Variants in LRBA observed in about 807,000 individuals in gnomAD.
LRBA encodes the protein LPS responsive beige-like anchor protein.
Under a neutral mutation model 330.0 loss-of-function variants are expected in LRBA, and 176 were observed. The ratio of observed to expected loss-of-function variants is 0.53; its 90% CI spans 0.47 to 0.60. LRBA has a LOEUF of 0.60. Ranked by LOEUF, LRBA falls within the 20% of genes least tolerant of loss-of-function variation. LRBA has a pLI of 0.00. For missense variants in LRBA, 3,259 were observed against 3,444.8 expected (o/e 0.95, Z 1.35); for synonymous variants, 1,230 against 1,193.0 (o/e 1.03, Z -0.64).
intron 34 of LRBA, among the ~76,000 whole-genome samples, chr4:150,796,215 A>G (rs910167786): frequency 1.3e-5 from 2 of 151,936 alleles, no homozygotes; most frequent in African/African-American, 4.8e-5. Flanking sequence ...ATTCAATTTC[A>G]TATCTCTTAA....
In LRBA at chr4:150,583,650, G is replaced by T. The variant is rs1185885067; in HGVS notation, c.6330+4398C>A. ...GGGTGGCCGAGGTCAAGGCCGAAGG[G>T]TTCAACTTGCTCTCGAAGGAGTGCT... is the stretch of plus-strand genomic sequence containing the variant. On this transcript the variant is annotated intron_variant, in intron 40 of 56. Transcript: ENST00000651943. This position sits in a 1 kb window ranked among gnomAD's most constrained non-coding sequence, Gnocchi z 9.8. The T allele has an allele frequency of 2.5e-6, 4 of 1,614,026 alleles. No individual in the cohort carries two copies. The East Asian group carries it at 8.9e-5, about 36-fold the overall frequency.
At chr4:150,898,185 AAAAC>A (rs1730323759) in intron 14 of LRBA, among the ~76,000 whole-genome samples, 1 of 152,132 alleles carries the variant, frequency 6.6e-6, no homozygotes, top group Non-Finnish European at 1.5e-5. Flanking sequence ...TACAAAGAAA[AAAAC>A]AAAGGAAAAT....
At chr4:150,990,667 T>C (rs1015508112) in intron 2 of LRBA, among the ~76,000 whole-genome samples, 3 of 151,886 alleles carry the variant, frequency 2.0e-5, no homozygotes, top group Non-Finnish European at 4.4e-5. Flanking sequence ...GCCCAGGAGG[T>C]TGAGGCTACA....
chr4:150,396,674 G>A (rs1744783176), intron 47 of LRBA, among the ~76,000 whole-genome samples: 2 of 152,058 alleles, frequency 1.3e-5, no homozygotes, highest in African/African-American at 4.8e-5. Context: ...GAATGTATTG[G>A]TTTATTTACT....
At chr4:150,880,790 C>T (rs1323521631) in intron 17 of LRBA, among the ~76,000 whole-genome samples, 3 of 152,064 alleles carry the variant, frequency 2.0e-5, no homozygotes, top group Non-Finnish European at 4.4e-5. Flanking sequence ...ACAAACTGTG[C>T]ATTTGACAAA....
chr4:150,809,874 CGA>C lies in LRBA; in HGVS notation c.5306-1478_5306-1477del, dbSNP rs1743395403. Among the ~76,000 whole-genome samples the C allele has an allele frequency of 3.2e-5, 4 of 124,674 alleles. No homozygotes were observed. In the South Asian group the frequency reaches 1.0e-3, roughly 32 times the overall value. The allele number at this position is 124,674 out of a possible 152,430, so 81.8% of individuals were successfully genotyped here. A position where few individuals can be genotyped will look rare whatever the true frequency, so the allele number is the denominator to read the frequency against. On this transcript the variant is annotated intron_variant, in intron 31 of 56. Transcript: ENST00000651943. ...AAATACGATACGATACGATACGATACGATACGATACGATACGATACGATACGA... is the reference window on the plus strand; with the variant it reads ...AAATACGATACGATACGATACGATACTACGATACGATACGATACGATACGA...
chr4:150,521,917 T>C (rs1239133350), intron 40 of LRBA, among the ~76,000 whole-genome samples: 1 of 152,228 alleles, frequency 6.6e-6, no homozygotes, highest in East Asian at 1.9e-4. Context: ...TATCAGTTAC[T>C]GATAGAAAAA....
At chr4:150,851,856 T>A (rs745930665) in intron 23 of LRBA, 29 bp downstream of exon 23, 1 of 1,547,684 alleles carries the variant, frequency 6.5e-7, no homozygotes, top group Admixed American at 2.1e-5. Context: ...AGTGCAAAAG[T>A]ACTTGAATAA....
At chr4:150,948,013 T>C (rs538717695) in intron 2 of LRBA, among the ~76,000 whole-genome samples, 1 of 151,966 alleles carries the variant, frequency 6.6e-6, no homozygotes, top group Admixed American at 6.5e-5. Context: ...TCTAAATAAA[T>C]GGAGAGGCAC....
intron 37 of LRBA, among the ~76,000 whole-genome samples, chr4:150,637,632 G>A (rs1198837892): frequency 6.6e-6 from 1 of 152,164 alleles, no homozygotes; most frequent in Non-Finnish European, 1.5e-5. Context: ...TACTGGAGAA[G>A]TCCCTGTGGC....
chr4:150,577,973 T>C (rs951606433), intron 40 of LRBA, among the ~76,000 whole-genome samples: 1 of 152,210 alleles, frequency 6.6e-6, no homozygotes, highest in Non-Finnish European at 1.5e-5. Flanking sequence ...TTCAAATCCA[T>C]ACATTCCCTG....
Position 150,583,526 on chromosome 4 carries a change from A to G in LRBA, c.6330+4522T>C, listed in dbSNP as rs952585024. The G allele has an allele frequency of 2.5e-6, 4 of 1,613,972 alleles. No individual in the cohort carries two copies. The highest frequency in any genetic ancestry group is 1.7e-5 in the Admixed American group (1 of 60,032). On this transcript the variant is annotated intron_variant, in intron 40 of 56. Transcript: ENST00000651943. The surrounding 1 kb of genome is among the most constrained non-coding windows in gnomAD (Gnocchi z 9.8). ...GTCAAGTTGCGCATCAGGGAGCGCTATGTGGTGCAAATCACTCCGGCGTTC... is the reference window on the plus strand; with the variant it reads ...GTCAAGTTGCGCATCAGGGAGCGCTGTGTGGTGCAAATCACTCCGGCGTTC...
chr4:150,758,525 A>C (rs750453689), intron 35 of LRBA, among the ~76,000 whole-genome samples: 16 of 149,988 alleles, frequency 1.1e-4, no homozygotes, highest in Admixed American at 2.0e-4. Flanking sequence ...AGTCACCATC[A>C]TGTTTAACCA....
chr4:150,827,512 T>C (rs1179182158), intron 30 of LRBA, among the ~76,000 whole-genome samples: 1 of 152,100 alleles, frequency 6.6e-6, no homozygotes, highest in Non-Finnish European at 1.5e-5. Flanking sequence ...ATACTCAACA[T>C]GAAGACAAGA....
intron 40 of LRBA, among the ~76,000 whole-genome samples, chr4:150,515,777 C>T (rs1762271284): frequency 1.3e-5 from 2 of 151,704 alleles, no homozygotes; most frequent in African/African-American, 4.8e-5. Context: ...GCATTTGACA[C>T]AAATATTGAA....
intron 2 of LRBA, among the ~76,000 whole-genome samples, chr4:150,934,057 G>C (rs1202070778): frequency 6.6e-6 from 1 of 151,542 alleles, no homozygotes; most frequent in Non-Finnish European, 1.5e-5. Flanking sequence ...AAACACCACT[G>C]ATGTGAACTG....
At chr4:150,710,312 TGGA>T (rs955277050) in intron 36 of LRBA, among the ~76,000 whole-genome samples, 5 of 151,958 alleles carry the variant, frequency 3.3e-5, no homozygotes, top group South Asian at 2.1e-4. Context: ...TGGGAAAAAA[TGGA>T]GGAGTAGTTA....
At chr4:150,340,663 T>G (rs1735401295) in intron 48 of LRBA, among the ~76,000 whole-genome samples, 1 of 152,220 alleles carries the variant, frequency 6.6e-6, no homozygotes, top group Admixed American at 6.5e-5. Flanking sequence ...TGACTTGCAT[T>G]TCATCTTTCA....
intron 2 of LRBA, among the ~76,000 whole-genome samples, chr4:150,934,962 C>T (rs1173340055): frequency 1.3e-5 from 2 of 149,832 alleles, no homozygotes; most frequent in African/African-American, 4.9e-5. Context: ...GAGCCGAGAT[C>T]GCGCCATTGC....
Sources: gnomAD v4.1 joint callset for allele counts (sites outside exome capture counted in the v4.1 genomes callset) on GRCh38, gnomAD v4.1.1 for gene constraint, Gnocchi (gnomAD v3.1) non-coding constraint, MANE v1.5 for transcripts, NCBI Gene and HGNC (gene_info 2026-07-23, HGNC 2026-07-21) for gene names.